ESR2: variants seen among roughly 807,000 people sequenced by gnomAD.
The protein encoded by ESR2 is estrogen receptor 2.
Under a neutral mutation model 49.6 loss-of-function variants are expected in ESR2, and 36 were observed. That is an observed-to-expected ratio of 0.73 (90% CI 0.56 to 0.96). The LOEUF (loss-of-function observed/expected upper bound fraction) is 0.96, where lower values mean the gene tolerates loss of function less well. Ranked by LOEUF, ESR2 falls within the 40% of genes least tolerant of loss-of-function variation. The probability of loss-of-function intolerance (pLI) is 0.00; values close to 1 mark genes in which losing one functional copy is unlikely to be tolerated. For synonymous variants in ESR2, 320 were observed against 266.1 expected, an observed-to-expected ratio of 1.20 and a Z score of -1.97; for missense variants, 714 against 693.0, an observed-to-expected ratio of 1.03 and a Z score of -0.34.
At chr14:64,260,361 G>T in intron 5 of ESR2, 88 bp downstream of exon 5, 1 of 1,256,440 alleles carries the variant, frequency 8.0e-7, no homozygotes, top group Non-Finnish European at 1.1e-6. Context: ...CACAGCTCAT[G>T]GACCTCTACT....
intron 1 of ESR2, among the ~76,000 whole-genome samples, chr14:64,286,546 C>T (rs2076787973): frequency 1.3e-5 from 2 of 152,088 alleles, no homozygotes; most frequent in Admixed American, 1.3e-4. Context: ...AAATGATCCA[C>T]CCGCCTTGGC....
chr14:64,261,813 G>A (rs1178063416), intron 4 of ESR2, among the ~76,000 whole-genome samples: 2 of 151,914 alleles, frequency 1.3e-5, no homozygotes, highest in African/African-American at 4.8e-5. Context: ...GTGTAATGAT[G>A]CAATCATAGC....
intron 1 of ESR2, among the ~76,000 whole-genome samples, chr14:64,323,658 A>G (rs1596494401): frequency 6.6e-6 from 1 of 152,180 alleles, no homozygotes. Context: ...TAAACTCTAT[A>G]TGGTCTACTG....
chr14:64,230,037 G>C lies in ESR2; in HGVS notation c.*3100C>G, dbSNP rs934537842. Among the ~76,000 whole-genome samples, 1 of 151,908 alleles carries C rather than the reference G, an allele frequency of 6.6e-6. No individual in the cohort carries two copies. Among genetic ancestry groups the C allele is most frequent in the East Asian group, 1.9e-4 (1 of 5,166 alleles). ...CTACAAATATTAAAAGAATTAGCCA[G>C]GAGTGGTGGTGTGCACCCCAGCTAC... On this transcript the variant is annotated 3_prime_UTR_variant, in exon 9 of 9. Coordinates refer to ENST00000341099, the MANE Select transcript of ESR2 (RefSeq NM_001437.3).
chr14:64,227,978 T>C (rs1330142351), downstream of ESR2: 1 of 1,579,650 alleles, frequency 6.3e-7, no homozygotes, highest in Non-Finnish European at 8.5e-7. Context: ...ACAGAAAATC[T>C]ATCCAAATAA....
chr14:64,268,114 T>C (rs550510768), intron 4 of ESR2, among the ~76,000 whole-genome samples: 1 of 152,254 alleles, frequency 6.6e-6, no homozygotes, highest in South Asian at 2.1e-4. Flanking sequence ...TCTTTGTCAG[T>C]TATATACCAA....
intron 3 of ESR2, among the ~76,000 whole-genome samples, chr14:64,269,972 T>TG (rs1375536308): frequency 6.6e-6 from 1 of 152,112 alleles, no homozygotes; most frequent in Non-Finnish European, 1.5e-5. Flanking sequence ...GATGGGGTGT[T>TG]GGTAGGGAGG....
At chr14:64,256,287 G>A (rs916287013) in intron 6 of ESR2, among the ~76,000 whole-genome samples, 1 of 152,142 alleles carries the variant, frequency 6.6e-6, no homozygotes, top group Non-Finnish European at 1.5e-5. Context: ...ATTAAAAATT[G>A]TTTCCTTTTC....
intron 1 of ESR2, among the ~76,000 whole-genome samples, chr14:64,321,522 C>T (rs1472822602): frequency 6.6e-6 from 1 of 151,970 alleles, no homozygotes; most frequent in Non-Finnish European, 1.5e-5. Flanking sequence ...TACCTATGGG[C>T]ATAAGGAATG....
At chr14:64,303,939 G>A (rs1270776791) in intron 1 of ESR2, among the ~76,000 whole-genome samples, 1 of 152,188 alleles carries the variant, frequency 6.6e-6, no homozygotes, top group Admixed American at 6.5e-5. Flanking sequence ...ACTATCATTT[G>A]TTTATAAAGG....
intron 8 of ESR2, 81 bp from the exon 9 acceptor site, chr14:64,233,404 T>A: frequency 7.2e-7 from 1 of 1,379,630 alleles, no homozygotes. Flanking sequence ...CTCTCTTTGC[T>A]CAGAGCCAGT....
intron 7 of ESR2, among the ~76,000 whole-genome samples, chr14:64,241,387 T>C (rs572699298): frequency 1.3e-5 from 2 of 152,348 alleles, no homozygotes; most frequent in South Asian, 4.1e-4. Flanking sequence ...AATCAGGTAG[T>C]GTAAGTCCTC....
chr14:64,260,545 T>G lies in ESR2; in HGVS notation c.856A>C (p.Ser286Arg), dbSNP rs2076192137. ...EPPHVLISRP[S>R]APFTEASMMM... Reference sequence around the variant, plus strand: ...ATGGAGGCCTCGGTGAAGGGCGCACTGGGGCGGCTGATCAGCACATGGGGC... The same window carrying G: ...ATGGAGGCCTCGGTGAAGGGCGCACGGGGGCGGCTGATCAGCACATGGGGC... Residue 286 changes from serine (S) to arginine (R), a missense_variant, in exon 5 of 9, where the codon AGT becomes CGT. Transcript: ENST00000341099. The G allele has an allele frequency of 6.3e-7, 1 of 1,577,216 alleles. No homozygotes were observed. Among genetic ancestry groups the G allele is most frequent in the South Asian group, 1.2e-5 (1 of 86,156 alleles).
At chr14:64,226,884 TTTCGC>T (rs1032902691), downstream of ESR2, 3 of 152,008 alleles carry the variant, frequency 2.0e-5, no homozygotes, top group African/African-American at 4.8e-5. Flanking sequence ...AGAGACGGGG[TTTCGC>T]CATGTTGGCC....
chr14:64,261,239 C>CTTTTTTTTTTTTTTTTTT (rs58982771), intron 4 of ESR2, among the ~76,000 whole-genome samples: 1 of 127,106 alleles, frequency 7.9e-6, no homozygotes. Context: ...TTTCTTTTTT[C>CTTTTTTTTTTTTTTTTTT]TTTTTTTTTT....
intron 3 of ESR2, among the ~76,000 whole-genome samples, chr14:64,269,246 T>C (rs1283118826): frequency 2.0e-5 from 3 of 152,144 alleles, no homozygotes; most frequent in Non-Finnish European, 4.4e-5. Flanking sequence ...AACTCAAGAG[T>C]TGTAAATCAA....
intron 7 of ESR2, among the ~76,000 whole-genome samples, chr14:64,244,228 A>G (rs1284048455): frequency 2.0e-5 from 3 of 151,952 alleles, no homozygotes; most frequent in Non-Finnish European, 2.9e-5. Context: ...GTGAAACCCC[A>G]TCTCTACTAA....
rs1413713951 is a variant in ESR2, at chr14:64,230,202, AAAAAAAAAAAAAG to A, written c.*2922_*2934del. The stretch of plus-strand genomic sequence containing the variant: ...ACAGGAGTCAGACCCTGTCTCAAAA[AAAAAAAAAAAAAG>A]GTGTCAAATCTTATTAAGTGAGGAT... On this transcript the variant is annotated 3_prime_UTR_variant, in exon 9 of 9. Coordinates refer to ENST00000341099, the MANE Select transcript of ESR2 (RefSeq NM_001437.3). Among the ~76,000 whole-genome samples the A allele has an allele frequency of 1.3e-5, 2 of 151,770 alleles. No homozygotes were observed. The highest frequency in any genetic ancestry group is 3.9e-4 in the East Asian group (2 of 5,184).
At chr14:64,280,466 G>A (rs1238881430) in intron 2 of ESR2, among the ~76,000 whole-genome samples, 1 of 152,202 alleles carries the variant, frequency 6.6e-6, no homozygotes, top group East Asian at 1.9e-4. Flanking sequence ...ACATCTCTAA[G>A]TGTAATGAAA....
Sources: gnomAD v4.1 joint callset for allele counts (sites outside exome capture counted in the v4.1 genomes callset) on GRCh38, gnomAD v4.1.1 for gene constraint, MANE v1.5 for transcripts, NCBI Gene and HGNC (gene_info 2026-07-23, HGNC 2026-07-21) for gene names.